Variants in PARVA observed in about 807,000 individuals in gnomAD.
PARVA encodes alpha-parvin.
A neutral mutation model predicts 52.6 loss-of-function variants in PARVA; 25 were observed. That is an observed-to-expected ratio of 0.48 (90% CI 0.35 to 0.66). The LOEUF (loss-of-function observed/expected upper bound fraction) is 0.66, where lower values mean the gene tolerates loss of function less well. Among genes scored for constraint, PARVA ranks in the 30% least tolerant of loss-of-function variants. The probability of loss-of-function intolerance (pLI) is 0.01; values close to 1 mark genes in which losing one functional copy is unlikely to be tolerated. For synonymous variants in PARVA, 185 were observed against 179.1 expected (o/e 1.03, Z -0.26); for missense variants, 373 against 450.9 (o/e 0.83, Z 1.56).
At chr11:12,521,751 G>C (rs551133088) in intron 12 of PARVA, among the ~76,000 whole-genome samples, 1 of 152,174 alleles carries the variant, frequency 6.6e-6, no homozygotes, top group African/African-American at 2.4e-5. Context: ...GGGTGATGTA[G>C]CATAAGAAAG....
At chr11:12,444,185 G>A (rs12293611) in intron 1 of PARVA, among the ~76,000 whole-genome samples, 4,482 of 152,230 alleles carry the variant, frequency 0.029, 213 homozygotes, top group African/African-American at 0.1. Flanking sequence ...TGGCAGAAGC[G>A]GAATCCAGAT....
chr11:12,513,673 C>G lies in PARVA; in HGVS notation c.798+313C>G. The G allele has an allele frequency of 5.1e-6, 3 of 588,488 alleles. No homozygotes were observed. The South Asian group carries it at 5.8e-5, about 11-fold the overall frequency. The allele number at this position is 588,488 out of a possible 1,614,324, so 36.5% of individuals were successfully genotyped here. A position where few individuals can be genotyped will look rare whatever the true frequency, so the allele number is the denominator to read the frequency against. On this transcript the variant is annotated intron_variant, in intron 9 of 12. Coordinates refer to ENST00000334956, the MANE Select transcript of PARVA (RefSeq NM_018222.5). Reference sequence around the variant, plus strand: ...CTAGGCACCTGTGCCGAAGAAGGGACAGGAAGGAGAGATCCAGTGGAATCA... The same window carrying G: ...CTAGGCACCTGTGCCGAAGAAGGGAGAGGAAGGAGAGATCCAGTGGAATCA...
intron 1 of PARVA, among the ~76,000 whole-genome samples, chr11:12,469,054 C>T (rs1940894926): frequency 6.6e-6 from 1 of 152,152 alleles, no homozygotes; most frequent in South Asian, 2.1e-4. Context: ...AATGAGGGTT[C>T]TTTCAGCAGG....
At chr11:12,524,483 C>A (rs1378112374) in intron 12 of PARVA, among the ~76,000 whole-genome samples, 1 of 152,182 alleles carries the variant, frequency 6.6e-6, no homozygotes, top group Non-Finnish European at 1.5e-5. Flanking sequence ...AAAACAAATC[C>A]CCCTGCCTCT....
chr11:12,456,552 A>T (rs1016035777), intron 1 of PARVA, among the ~76,000 whole-genome samples: 1 of 151,922 alleles, frequency 6.6e-6, no homozygotes, highest in African/African-American at 2.4e-5. Flanking sequence ...TTAAACTCAT[A>T]CTTGGTATGT....
At chr11:12,514,508 A>G (rs534069137) in intron 10 of PARVA, among the ~76,000 whole-genome samples, 296 of 152,306 alleles carry the variant, frequency 1.9e-3, no homozygotes, top group Non-Finnish European at 2.6e-3. Flanking sequence ...GTTTTTTGAG[A>G]TAGAGTTTCA....
intron 12 of PARVA, among the ~76,000 whole-genome samples, chr11:12,524,065 C>G (rs768561343): frequency 2.6e-4 from 40 of 152,122 alleles, no homozygotes; most frequent in Non-Finnish European, 4.4e-4. Flanking sequence ...CATCTGTTGG[C>G]GTTAGTGGTG....
chr11:12,521,489 T>C (rs1941635671), intron 12 of PARVA, among the ~76,000 whole-genome samples: 1 of 152,200 alleles, frequency 6.6e-6, no homozygotes, highest in Non-Finnish European at 1.5e-5. Context: ...TCATCTAACA[T>C]AGTTGAAGAT....
At chr11:12,459,988 C>A (rs1940754852) in intron 1 of PARVA, among the ~76,000 whole-genome samples, 1 of 152,154 alleles carries the variant, frequency 6.6e-6, no homozygotes, top group Admixed American at 6.5e-5. Flanking sequence ...ACCAGGCAAC[C>A]CCTAGGGCTT....
intron 10 of PARVA, among the ~76,000 whole-genome samples, chr11:12,517,344 A>G (rs1425764053): frequency 2.4e-5 from 1 of 41,448 alleles, no homozygotes; most frequent in Non-Finnish European, 4.7e-5. Flanking sequence ...TCTGGTCCCC[A>G]TGCCTAGACC....
chr11:12,419,954 T>A (rs1302317887), intron 1 of PARVA, among the ~76,000 whole-genome samples: 1 of 152,192 alleles, frequency 6.6e-6, no homozygotes, highest in East Asian at 1.9e-4. Context: ...GTTCAGAATG[T>A]CTCCCATCAT....
At chr11:12,386,200 C>T (rs1420423912) in intron 1 of PARVA, among the ~76,000 whole-genome samples, 1 of 152,116 alleles carries the variant, frequency 6.6e-6, no homozygotes, top group Admixed American at 6.5e-5. Flanking sequence ...CTTAACATGC[C>T]ATCCAAGGCC....
rs540342735 is a variant in PARVA, at chr11:12,532,806, G to A, written c.*4881G>A. Among the ~76,000 whole-genome samples the A allele has an allele frequency of 5.3e-5, 8 of 152,278 alleles. No homozygotes were observed. The highest frequency in any genetic ancestry group is 1.9e-4 in the East Asian group (1 of 5,178). The stretch of plus-strand genomic sequence containing the variant: ...AAGACCTGGCTCCCCAGAGGAGTGC[G>A]GAAAGCCAGCATGGCTAGAGGACAC... On this transcript the variant is annotated 3_prime_UTR_variant, in exon 13 of 13. Transcript: ENST00000334956.
At chr11:12,418,726 A>G (rs958943726) in intron 1 of PARVA, among the ~76,000 whole-genome samples, 6 of 152,132 alleles carry the variant, frequency 3.9e-5, no homozygotes, top group African/African-American at 1.4e-4. Flanking sequence ...CTGAGCCTCT[A>G]TGTCCTCATC....
intron 1 of PARVA, among the ~76,000 whole-genome samples, chr11:12,464,943 A>T (rs914047851): frequency 6.6e-6 from 1 of 152,334 alleles, no homozygotes; most frequent in East Asian, 1.9e-4. Context: ...GTTCCACCTC[A>T]GATCATTAGG....
intron 1 of PARVA, among the ~76,000 whole-genome samples, chr11:12,448,925 A>C (rs1589961421): frequency 6.6e-6 from 1 of 152,202 alleles, no homozygotes; most frequent in Non-Finnish European, 1.5e-5. Flanking sequence ...TCTGTCTGTT[A>C]TCTCTTCCCA....
At chr11:12,421,456 A>AT (rs1038437009) in intron 1 of PARVA, among the ~76,000 whole-genome samples, 2 of 151,898 alleles carry the variant, frequency 1.3e-5, no homozygotes, top group African/African-American at 4.8e-5. Context: ...CCAGCAACAG[A>AT]TTTTTTTTCT....
Position 12,482,736 on chromosome 11 carries a change from C to T in PARVA, c.400+4787C>T, listed in dbSNP as rs150062716. On this transcript the variant is annotated intron_variant, in intron 4 of 12. Transcript: ENST00000334956. ...AAGAACAAAGTCATGTCTTACATGG[C>T]GGCAGGCAGAAAAGCTTGTGCAGGG... 2.0e-3 allele frequency among the ~76,000 whole-genome samples: 300 copies of T among 152,190 alleles called. 1 individual carries two copies. Among genetic ancestry groups the T allele is most frequent in the African/African-American group, 6.9e-3 (285 of 41,524 alleles).
chr11:12,478,176 C>A, intron 4 of PARVA: 1 of 619,106 alleles, frequency 1.6e-6, no homozygotes, highest in Non-Finnish European at 3.0e-6. Flanking sequence ...GGGCCTGCTC[C>A]TTCTAGCAGC....
Sources: allele counts gnomAD v4.1 joint callset (sites outside exome capture counted in the v4.1 genomes callset), GRCh38; gene constraint gnomAD v4.1.1; transcripts MANE v1.5; gene names NCBI Gene and HGNC (gene_info 2026-07-23, HGNC 2026-07-21).